The following GRID2 variants were observed in gnomAD, a reference collection of about 807,000 sequenced individuals.
GRID2 encodes glutamate ionotropic receptor delta type subunit 2.
A neutral mutation model predicts 114.8 loss-of-function variants in GRID2; 33 were observed. The ratio of observed to expected loss-of-function variants is 0.29; its 90% CI spans 0.22 to 0.38. The LOEUF (loss-of-function observed/expected upper bound fraction) is 0.38. GRID2 is among the 10% of genes least tolerant of loss of function. The pLI, the probability that GRID2 is intolerant of heterozygous loss-of-function variation, is 1.00. For missense variants in GRID2, 1,184 were observed against 1,257.7 expected (o/e 0.94, Z 0.89); for synonymous variants, 505 against 449.9 (o/e 1.12, Z -1.55).
At chr4:93,608,527 G>A (rs1289078468) in intron 13 of GRID2, among the ~76,000 whole-genome samples, 1 of 144,902 alleles carries the variant, frequency 6.9e-6, no homozygotes, top group African/African-American at 2.6e-5. Context: ...TGATCTCATT[G>A]TTAAATTCCC....
Position 92,586,319 on chromosome 4 carries a change from A to T in GRID2, c.89-3812A>T, listed in dbSNP as rs999431620. 4.0e-5 allele frequency among the ~76,000 whole-genome samples: 6 copies of T among 151,282 alleles called. No individual in the cohort carries two copies. The South Asian group carries it at 8.3e-4, about 21-fold the overall frequency. On this transcript the variant is annotated intron_variant, in intron 1 of 15. Coordinates refer to ENST00000282020, the MANE Select transcript of GRID2 (RefSeq NM_001510.4). The stretch of plus-strand genomic sequence containing the variant: ...TATTTTTGGGTGAAATGATTTTATG[A>T]TCTGAAGTACTGACTTATTTCAAGC...
intron 2 of GRID2, among the ~76,000 whole-genome samples, chr4:92,734,600 G>A (rs1736497683): frequency 6.6e-6 from 1 of 151,358 alleles, no homozygotes; most frequent in South Asian, 2.1e-4. Context: ...TTTTTTACTT[G>A]GTGAAATTTC....
intron 13 of GRID2, among the ~76,000 whole-genome samples, chr4:93,548,663 A>C (rs1195303079): frequency 6.6e-6 from 1 of 152,192 alleles, no homozygotes; most frequent in Non-Finnish European, 1.5e-5. Flanking sequence ...AGTTCTCAGT[A>C]AGATTGACTG....
At chr4:93,118,166 TATC>T (rs1358109045) in intron 4 of GRID2, among the ~76,000 whole-genome samples, 1 of 152,198 alleles carries the variant, frequency 6.6e-6, no homozygotes, top group African/African-American at 2.4e-5. Flanking sequence ...CTTCACCAGA[TATC>T]ATTGCTACCT....
chr4:93,577,681 G>A (rs1736554662), intron 13 of GRID2, among the ~76,000 whole-genome samples: 1 of 152,184 alleles, frequency 6.6e-6, no homozygotes, highest in Non-Finnish European at 1.5e-5. Flanking sequence ...CCTTCATGGA[G>A]CTGAAAGTGA....
At chr4:92,484,784 G>A (rs1722785827) in intron 1 of GRID2, among the ~76,000 whole-genome samples, 1 of 151,680 alleles carries the variant, frequency 6.6e-6, no homozygotes, top group South Asian at 2.1e-4. Context: ...TGACTTATGA[G>A]GTATGGAGTT....
intron 1 of GRID2, among the ~76,000 whole-genome samples, chr4:92,380,222 T>G (rs903305141): frequency 6.6e-6 from 1 of 151,868 alleles, no homozygotes; most frequent in African/African-American, 2.4e-5. Context: ...TTTTTTTGTG[T>G]AATGATATAA....
At chr4:93,321,776 G>A (rs1757243953) in intron 8 of GRID2, among the ~76,000 whole-genome samples, 1 of 151,568 alleles carries the variant, frequency 6.6e-6, no homozygotes, top group African/African-American at 2.4e-5. Context: ...TATGCTTTTA[G>A]ATATCAGAAA....
exon 2 of GRID2, chr4:93,808,124 TA>T (rs1483409519): frequency 9.2e-5 from 14 of 152,168 alleles, no homozygotes; most frequent in Non-Finnish European, 1.5e-5. Flanking sequence ...TATTTCTAAA[TA>T]ATCTGACTTT....
chr4:92,911,565 CTT>C (rs548891370), intron 2 of GRID2, among the ~76,000 whole-genome samples: 1 of 148,240 alleles, frequency 6.7e-6, no homozygotes, highest in African/African-American at 2.5e-5. Flanking sequence ...TTGTGCATAT[CTT>C]TTTTTTTTAA....
chr4:92,868,028 CTT>C, intron 2 of GRID2, among the ~76,000 whole-genome samples: 1 of 100,634 alleles, frequency 9.9e-6, no homozygotes, highest in Non-Finnish European at 2.1e-5. Context: ...TTCTTTCTTT[CTT>C]TCTTTCTTTC....
intron 2 of GRID2, among the ~76,000 whole-genome samples, chr4:92,660,588 G>C (rs1468584607): frequency 6.6e-6 from 1 of 151,164 alleles, no homozygotes; most frequent in African/African-American, 2.4e-5. Context: ...AACAGAGAAG[G>C]AACCATATGC....
intron 4 of GRID2, among the ~76,000 whole-genome samples, chr4:93,163,395 T>C (rs1360233059): frequency 9.7e-5 from 4 of 41,332 alleles, no homozygotes; most frequent in Non-Finnish European, 1.4e-4. Context: ...TATATATATA[T>C]ATATACACTA....
intron 13 of GRID2, among the ~76,000 whole-genome samples, chr4:93,590,451 A>C (rs1738111927): frequency 6.7e-6 from 1 of 149,344 alleles, no homozygotes; most frequent in Non-Finnish European, 1.5e-5. Context: ...TGTTTTGGTT[A>C]CTGTAGCCTT....
intron 13 of GRID2, among the ~76,000 whole-genome samples, chr4:93,625,778 G>A (rs1036090064): frequency 1.3e-5 from 2 of 152,148 alleles, no homozygotes; most frequent in South Asian, 2.1e-4. Flanking sequence ...AGCGGGGCGC[G>A]GTGGTGGGCG....
At chr4:93,051,869 T>C (rs1346735805) in intron 2 of GRID2, among the ~76,000 whole-genome samples, 1 of 151,960 alleles carries the variant, frequency 6.6e-6, no homozygotes, top group Non-Finnish European at 1.5e-5. Context: ...TTCTTTTGCT[T>C]GTTTGTCCAG....
intron 8 of GRID2, among the ~76,000 whole-genome samples, chr4:93,274,233 A>C (rs1440702760): frequency 1.3e-5 from 2 of 152,122 alleles, no homozygotes; most frequent in Non-Finnish European, 2.9e-5. Flanking sequence ...AAATTTTAAA[A>C]ATGTTCTAGA....
At chr4:93,137,833 C>T (rs1050443777) in intron 4 of GRID2, among the ~76,000 whole-genome samples, 1 of 151,806 alleles carries the variant, frequency 6.6e-6, no homozygotes, top group African/African-American at 2.4e-5. Context: ...GTGATGTTTC[C>T]AAAATTAAAA....
chr4:93,605,194 C>T (rs558137552), intron 13 of GRID2, among the ~76,000 whole-genome samples: 1 of 151,400 alleles, frequency 6.6e-6, no homozygotes, highest in African/African-American at 2.4e-5. Flanking sequence ...CCCACTAGCC[C>T]CATGTGACTA....
Sources: allele counts gnomAD v4.1 joint callset (sites outside exome capture counted in the v4.1 genomes callset), GRCh38; gene constraint gnomAD v4.1.1; transcripts MANE v1.5; gene names NCBI Gene and HGNC (gene_info 2026-07-23, HGNC 2026-07-21).